The following GABRA2 variants were observed in gnomAD, a reference collection of about 807,000 sequenced individuals.
GABRA2 encodes gamma-aminobutyric acid type A receptor subunit alpha2.
Under a neutral mutation model 48.7 loss-of-function variants are expected in GABRA2, and 16 were observed. That is an observed-to-expected ratio of 0.33 (90% CI 0.22 to 0.50). The LOEUF (loss-of-function observed/expected upper bound fraction) is 0.50, where lower values mean the gene tolerates loss of function less well. GABRA2 is among the 20% of genes least tolerant of loss of function. The pLI is 0.98. For missense variants in GABRA2, 275 were observed against 535.6 expected (o/e 0.51, Z 4.80); for synonymous variants, 185 against 184.5 (o/e 1.00, Z -0.02).
chr4:46,270,314 A>G (rs1190888140), intron 8 of GABRA2, among the ~76,000 whole-genome samples: 1 of 151,946 alleles, frequency 6.6e-6, no homozygotes, highest in Non-Finnish European at 1.5e-5. Flanking sequence ...ATGATTCTCA[A>G]ATGTCACCTT....
rs551095384 is a variant in GABRA2 at position 46,372,442 on chromosome 4, C to T, written c.187+13632G>A. On this transcript the variant is annotated intron_variant, in intron 3 of 9. Transcript: ENST00000381620. ...GGAGCTGCAGTAGCCATCTTGGGAT[C>T]ATGAGGTGACAAGCATAAAGAGAAG... Among the ~76,000 whole-genome samples the T allele has an allele frequency of 2.1e-4, 32 of 152,114 alleles. No homozygotes were observed. In the South Asian group the frequency reaches 5.6e-3, roughly 27 times the overall value.
intron 9 of GABRA2, among the ~76,000 whole-genome samples, chr4:46,255,413 G>A (rs1715618893): frequency 6.6e-6 from 1 of 151,574 alleles, no homozygotes; most frequent in South Asian, 2.1e-4. Context: ...ATCTACAGAT[G>A]TGTAAGACTG....
At chr4:46,269,504 A>G (rs927687224) in intron 8 of GABRA2, among the ~76,000 whole-genome samples, 2 of 151,902 alleles carry the variant, frequency 1.3e-5, no homozygotes, top group Admixed American at 6.6e-5. Flanking sequence ...AAGTAGTGCT[A>G]TATATTCACT....
chr4:46,284,354 T>C (rs1164702239), intron 8 of GABRA2, among the ~76,000 whole-genome samples: 7 of 152,174 alleles, frequency 4.6e-5, no homozygotes, highest in Admixed American at 2.6e-4. Flanking sequence ...GCATAACACC[T>C]AAGGTAAAAG....
intron 4 of GABRA2, among the ~76,000 whole-genome samples, chr4:46,320,779 T>A (rs1176927828): frequency 6.6e-6 from 1 of 151,638 alleles, no homozygotes; most frequent in Non-Finnish European, 1.5e-5. Flanking sequence ...TAAAAGGGAA[T>A]CCATGTACAC....
chr4:46,354,669 C>T (rs1440851389), intron 3 of GABRA2, among the ~76,000 whole-genome samples: 2 of 152,082 alleles, frequency 1.3e-5, no homozygotes, highest in Non-Finnish European at 2.9e-5. Context: ...AGCCAGGTGG[C>T]TTTTAAAAAA....
intron 3 of GABRA2, among the ~76,000 whole-genome samples, chr4:46,345,955 G>A (rs984451703): frequency 5.9e-5 from 9 of 151,942 alleles, no homozygotes; most frequent in African/African-American, 1.7e-4. Context: ...AAATCAGGCT[G>A]TAGATGACTT....
At chr4:46,318,823 C>A (rs561053631) in intron 4 of GABRA2, among the ~76,000 whole-genome samples, 3 of 151,642 alleles carry the variant, frequency 2.0e-5, no homozygotes, top group Non-Finnish European at 3.0e-5. Flanking sequence ...TGCATGTATC[C>A]TATGGCTTAT....
chr4:46,389,513 G>T (rs1717944130), intron 1 of GABRA2: 1 of 593,878 alleles, frequency 1.7e-6, no homozygotes, highest in African/African-American at 2.0e-5. Flanking sequence ...CTAACGTGCT[G>T]CCGAGCAGGT....
intron 8 of GABRA2, among the ~76,000 whole-genome samples, chr4:46,273,380 C>CTGTGTGTG (rs35001945): frequency 4.3e-3 from 627 of 144,746 alleles, no homozygotes; most frequent in Middle Eastern, 7.2e-3. Context: ...CTCTCTCCCT[C>CTGTGTGTG]TGTGTGTGTG....
intron 8 of GABRA2, among the ~76,000 whole-genome samples, chr4:46,265,430 A>G (rs930224511): frequency 6.9e-6 from 1 of 144,272 alleles, no homozygotes; most frequent in African/African-American, 2.6e-5. Context: ...TATTGTGTAT[A>G]TATATATAAT....
At chr4:46,318,152 A>T (rs1277752468) in intron 4 of GABRA2, among the ~76,000 whole-genome samples, 4 of 151,434 alleles carry the variant, frequency 2.6e-5, no homozygotes, top group Non-Finnish European at 5.9e-5. Flanking sequence ...AAAAAATATT[A>T]AAAATAATAA....
chr4:46,343,330 T>C (rs1181670148), intron 3 of GABRA2, among the ~76,000 whole-genome samples: 2 of 152,006 alleles, frequency 1.3e-5, no homozygotes, highest in African/African-American at 4.8e-5. Context: ...TGAATAAATA[T>C]TTGTTGAGGG....
At chr4:46,257,255 T>C (rs1716020176) in intron 9 of GABRA2, among the ~76,000 whole-genome samples, 1 of 151,716 alleles carries the variant, frequency 6.6e-6, no homozygotes, top group African/African-American at 2.4e-5. Context: ...AAAGTTTTCA[T>C]ATTATGTAAA....
At chr4:46,365,283 C>A (rs941824071) in intron 3 of GABRA2, 1 of 151,986 alleles carries the variant, frequency 6.6e-6, no homozygotes, top group Non-Finnish European at 1.5e-5. Flanking sequence ...CAAGAAATAC[C>A]ATGAAATTTA....
Position 46,261,915 on chromosome 4 carries a change from C to T in GABRA2, c.1059+11G>A, listed in dbSNP as rs781050581. 1 of 1,606,428 alleles carries T rather than the reference C, an allele frequency of 6.2e-7. No individual in the cohort carries two copies. Among genetic ancestry groups the T allele is most frequent in the Non-Finnish European group, 8.5e-7 (1 of 1,173,124 alleles). ...TTTCTTAATAATGATAACACGGAAG[C>T]TCTCACTTACCTTGTCATTTACTAC... On this transcript the variant is annotated intron_variant, in intron 9 of 9. Coordinates refer to ENST00000381620, the MANE Select transcript of GABRA2 (RefSeq NM_000807.4).
At chr4:46,315,194 G>A (rs902899809) in intron 4 of GABRA2, among the ~76,000 whole-genome samples, 1 of 147,568 alleles carries the variant, frequency 6.8e-6, no homozygotes, top group African/African-American at 2.5e-5. Context: ...ATATAAGATA[G>A]TATCTCATTG....
chr4:46,318,009 A>T (rs776191632), intron 4 of GABRA2, among the ~76,000 whole-genome samples: 5 of 151,690 alleles, frequency 3.3e-5, no homozygotes, highest in Admixed American at 3.3e-4. Flanking sequence ...TATGAACATC[A>T]TAATTCACTA....
In GABRA2 at chr4:46,355,082, G is replaced by A. The variant is rs118169164; in HGVS notation, c.188-22400C>T. On this transcript the variant is annotated intron_variant, in intron 3 of 9. Coordinates refer to ENST00000381620, the MANE Select transcript of GABRA2 (RefSeq NM_000807.4). ...AAAATATCCTAGTCTACTCCCTTCC[G>A]AGGCACCCTCCACCCACGTCAACAC... Among the ~76,000 whole-genome samples, 635 of 152,108 alleles carry A rather than the reference G, an allele frequency of 4.2e-3. 1 individual carries two copies. Among genetic ancestry groups the A allele is most frequent in the East Asian group, 8.0e-3 (41 of 5,156 alleles).
Sources: gnomAD v4.1 joint callset for allele counts (sites outside exome capture counted in the v4.1 genomes callset) on GRCh38, gnomAD v4.1.1 for gene constraint, MANE v1.5 for transcripts, NCBI Gene and HGNC (gene_info 2026-07-23, HGNC 2026-07-21) for gene names.